Variants in LUC7L2 observed in about 807,000 individuals in gnomAD.
The protein encoded by LUC7L2 is putative RNA-binding protein Luc7-like 2.
Under a neutral mutation model 52.8 loss-of-function variants are expected in LUC7L2, and 25 were observed. The ratio of observed to expected loss-of-function variants is 0.47; its 90% CI spans 0.34 to 0.66. The LOEUF (loss-of-function observed/expected upper bound fraction) is 0.66. LUC7L2 is among the 30% of genes least tolerant of loss of function. The pLI is 0.01. For synonymous variants in LUC7L2, 144 were observed against 160.9 expected, an observed-to-expected ratio of 0.89 and a Z score of 0.80; for missense variants, 328 against 497.8, an observed-to-expected ratio of 0.66 and a Z score of 3.25.
intron 2 of LUC7L2, among the ~76,000 whole-genome samples, chr7:139,384,909 C>T (rs1794127036): frequency 6.6e-6 from 1 of 152,122 alleles, no homozygotes; most frequent in South Asian, 2.1e-4. Context: ...CAGATGCACA[C>T]CACCATATCT....
rs546246122 is a variant in LUC7L2, at chr7:139,365,483, A to G, written c.61+5161A>G. Among the ~76,000 whole-genome samples the G allele has an allele frequency of 3.0e-4, 46 of 152,292 alleles. 1 individual carries two copies. Among genetic ancestry groups the G allele is most frequent in the South Asian group, 2.5e-3 (12 of 4,830 alleles). On this transcript the variant is annotated intron_variant, in intron 1 of 9. Coordinates refer to ENST00000354926, the MANE Select transcript of LUC7L2 (RefSeq NM_016019.5). ...GTTCAAGATGGGTAGTAGGAATTCA[A>G]TGGCCATGAGGTGTCATGGATCAAG...
intron 2 of LUC7L2, among the ~76,000 whole-genome samples, chr7:139,383,485 C>G (rs1269798585): frequency 6.6e-6 from 1 of 152,076 alleles, no homozygotes; most frequent in African/African-American, 2.4e-5. Flanking sequence ...GATCTCGGCT[C>G]ACTTCAACCT....
At chr7:139,383,003 G>T (rs7802090) in intron 2 of LUC7L2, among the ~76,000 whole-genome samples, 4 of 152,100 alleles carry the variant, frequency 2.6e-5, no homozygotes, top group Admixed American at 1.3e-4. Context: ...TCAGCTCACT[G>T]CAACCTCTGC....
At chr7:139,357,761 G>A (rs1303595159), upstream of LUC7L2, among the ~76,000 whole-genome samples, 1 of 150,436 alleles carries the variant, frequency 6.6e-6, no homozygotes, top group African/African-American at 2.5e-5. Flanking sequence ...GCGCGATCTC[G>A]GCTCACTGCA....
intron 1 of LUC7L2, 192 bp from the exon 2 acceptor site, chr7:139,375,870 G>A: frequency 1.8e-6 from 1 of 556,258 alleles, no homozygotes. Flanking sequence ...AATTATGTAT[G>A]CAGTACACTT....
chr7:139,344,777 A>C (rs1799189820), intron 1 of LUC7L2: 1 of 134,254 alleles, frequency 7.4e-6, no homozygotes, highest in Admixed American at 8.9e-5. Context: ...ATCTTGGCTC[A>C]CTGCAAGCTC....
intron 4 of LUC7L2, among the ~76,000 whole-genome samples, chr7:139,402,478 G>A (rs1469514305): frequency 6.6e-6 from 1 of 152,130 alleles, no homozygotes; most frequent in African/African-American, 2.4e-5. Flanking sequence ...AGTTATGCAT[G>A]CATTTATTTG....
chr7:139,415,723 C>T (rs1795566477), intron 8 of LUC7L2, among the ~76,000 whole-genome samples: 1 of 151,600 alleles, frequency 6.6e-6, no homozygotes, highest in African/African-American at 2.4e-5. Flanking sequence ...TTGAACTCCT[C>T]CCGTTTAAGG....
At chr7:139,400,694 C>G (rs916866156) in intron 3 of LUC7L2, among the ~76,000 whole-genome samples, 24 of 152,208 alleles carry the variant, frequency 1.6e-4, no homozygotes, top group African/African-American at 4.3e-4. Flanking sequence ...TAGTCTCCCC[C>G]CAACCCCACA....
intron 1 of LUC7L2, among the ~76,000 whole-genome samples, chr7:139,349,624 C>T (rs538292062): frequency 2.7e-5 from 4 of 150,400 alleles, no homozygotes; most frequent in Admixed American, 6.6e-5. Flanking sequence ...TCCCCCCCCC[C>T]CCACCGGATT....
Position 139,422,472 on chromosome 7 carries a change from A to C in LUC7L2, c.*132A>C. 7.0e-7 allele frequency: 1 copy of C among 1,420,118 alleles called. No individual in the cohort carries two copies. Among genetic ancestry groups the C allele is most frequent in the African/African-American group, 1.4e-5 (1 of 70,086 alleles). The allele number at this position is 1,420,118 out of a possible 1,614,324, so 88.0% of individuals were successfully genotyped here. On this transcript the variant is annotated 3_prime_UTR_variant, in exon 10 of 10. Transcript: ENST00000354926. ...CAGCTAGGCTAGATGTACAGTATCT[A>C]ACTTGATCTGAACTGAACCTGTTTT...
chr7:139,375,974 A>G lies in LUC7L2; in HGVS notation c.62-88A>G, dbSNP rs1398233179. On this transcript the variant is annotated intron_variant, in intron 1 of 9. Transcript: ENST00000354926. The stretch of plus-strand genomic sequence containing the variant: ...TGATTTATAATGTGTGTATATAGCC[A>G]CACATAAAAAGCTAGTAATAGTAGG... 4 of 1,353,826 alleles carry G rather than the reference A, an allele frequency of 3.0e-6. No individual in the cohort carries two copies. The Admixed American group carries it at 7.5e-5, about 25-fold the overall frequency. 83.9% of individuals were successfully genotyped at this position (1,353,826 alleles called of 1,614,324 possible). A position where few individuals can be genotyped will look rare whatever the true frequency, so the allele number is the denominator to read the frequency against.
At chr7:139,346,947 T>A (rs1321432572) in intron 1 of LUC7L2, among the ~76,000 whole-genome samples, 2 of 152,314 alleles carry the variant, frequency 1.3e-5, no homozygotes, top group South Asian at 2.1e-4. Context: ...AATAACCTTC[T>A]CCTCGTCTGT....
chr7:139,388,634 G>A (rs761173424), intron 2 of LUC7L2, among the ~76,000 whole-genome samples: 9 of 150,328 alleles, frequency 6.0e-5, no homozygotes, highest in Non-Finnish European at 1.2e-4. Context: ...TGTAGTGAAT[G>A]TAGTCATATA....
At chr7:139,380,733 T>C (rs1800972080) in intron 2 of LUC7L2, among the ~76,000 whole-genome samples, 1 of 152,208 alleles carries the variant, frequency 6.6e-6, no homozygotes, top group Non-Finnish European at 1.5e-5. Flanking sequence ...AGTATGCCCT[T>C]TCAGATTTAG....
intron 1 of LUC7L2, chr7:139,341,397 G>A (rs759181790): frequency 1.9e-6 from 3 of 1,613,086 alleles, no homozygotes; most frequent in South Asian, 1.1e-5. Context: ...GGCGGCCTTA[G>A]GGTCCCCGTC....
In LUC7L2 at chr7:139,344,695, C is replaced by CTT. The variant is rs1026301999; in HGVS notation, c.-26+4199_-26+4200dup. Among the ~76,000 whole-genome samples, 101 of 116,346 alleles carry CTT rather than the reference C, an allele frequency of 8.7e-4. 3 individuals are homozygous for CTT. The highest frequency in any genetic ancestry group is 1.2e-3 in the African/African-American group (39 of 32,650). The allele number at this position is 116,346 out of a possible 152,430, so 76.3% of individuals were successfully genotyped here. A position where few individuals can be genotyped will look rare whatever the true frequency, so the allele number is the denominator to read the frequency against. On this transcript the variant is annotated intron_variant, in intron 1 of 10. Transcript: ENST00000541170. The stretch of plus-strand genomic sequence containing the variant: ...CAGACAAAAGTTTTCAATTTTCTTT[C>CTT]TTTTTTTTTTTTTTTTTTTTTTGTT...
At chr7:139,348,711 C>G (rs1799351873) in intron 1 of LUC7L2, among the ~76,000 whole-genome samples, 1 of 151,164 alleles carries the variant, frequency 6.6e-6, no homozygotes. Context: ...GAGCGAGACT[C>G]CGTCTCAAAA....
At chr7:139,373,990 AT>A (rs1439763391) in intron 1 of LUC7L2, among the ~76,000 whole-genome samples, 4 of 152,224 alleles carry the variant, frequency 2.6e-5, no homozygotes, top group Non-Finnish European at 5.9e-5. Flanking sequence ...CAGATTTAAA[AT>A]GAAATTTTTT....
Sources: gnomAD v4.1 joint callset for allele counts (sites outside exome capture counted in the v4.1 genomes callset) on GRCh38, gnomAD v4.1.1 for gene constraint, MANE v1.5 for transcripts, NCBI Gene and HGNC (gene_info 2026-07-23, HGNC 2026-07-21) for gene names.